The following KBTBD12 variants were observed in gnomAD, a reference collection of about 807,000 sequenced individuals.
The protein encoded by KBTBD12 is kelch repeat and BTB domain containing 12.
A neutral mutation model predicts 58.7 loss-of-function variants in KBTBD12; 53 were observed. That is an observed-to-expected ratio of 0.90 (90% confidence interval 0.72 to 1.14). The LOEUF (loss-of-function observed/expected upper bound fraction) is 1.14. KBTBD12 is among the 50% of genes most tolerant of loss of function. The pLI is 0.00. For missense variants in KBTBD12, 704 were observed against 751.3 expected (o/e 0.94, Z 0.74); for synonymous variants, 236 against 259.8 (o/e 0.91, Z 0.88).
At chr3:127,969,150 T>C (rs1050044452) in intron 5 of KBTBD12, among the ~76,000 whole-genome samples, 6 of 152,310 alleles carry the variant, frequency 3.9e-5, no homozygotes, top group Admixed American at 2.0e-4. Context: ...ACTAATTGCA[T>C]ATGACATAAT....
chr3:127,927,686 A>G (rs1053515175), intron 2 of KBTBD12, 78 bp from the exon 3 acceptor site: 1 of 1,096,176 alleles, frequency 9.1e-7, no homozygotes, highest in African/African-American at 1.6e-5. Context: ...TTTTGGTCAG[A>G]AAATAAATAA....
intron 4 of KBTBD12, among the ~76,000 whole-genome samples, chr3:127,945,072 T>C (rs1172016546): frequency 2.0e-5 from 3 of 151,014 alleles, no homozygotes; most frequent in African/African-American, 7.3e-5. Context: ...TTTGCTGTTG[T>C]TGTTGTTTGT....
Position 127,963,265 on chromosome 3 carries a change from TG to T in KBTBD12, c.1573del (p.Asp525ThrfsTer62). Reference protein sequence around the residue: ...LDVVEIYNPDGDFWREGPPMP... With the variant: ...LDVVEIYNPDXDFWREGPPMP... ...ACGTGGTGGAGATCTACAACCCAGA[TG>T]GGGACTTTTGGCGAGAGGGCCCTCC... On this transcript the variant is annotated frameshift_variant, in exon 5 of 6. Transcript: ENST00000405109. LOFTEE classifies it high-confidence loss of function. 6.2e-7 allele frequency: 1 copy of T among 1,612,534 alleles called. No individual in the cohort carries two copies. The highest frequency in any genetic ancestry group is 8.5e-7 in the Non-Finnish European group (1 of 1,179,368).
At chr3:127,977,032 C>T (rs1218078412) in intron 5 of KBTBD12, among the ~76,000 whole-genome samples, 1 of 152,094 alleles carries the variant, frequency 6.6e-6, no homozygotes, top group Non-Finnish European at 1.5e-5. Context: ...TCTGTTGTTC[C>T]CTTCTTTGTG....
intron 5 of KBTBD12, among the ~76,000 whole-genome samples, chr3:127,971,178 G>C (rs1940676423): frequency 6.6e-6 from 1 of 152,122 alleles, no homozygotes; most frequent in South Asian, 2.1e-4. Context: ...ACACCTAGTG[G>C]CAGGAAACTA....
At chr3:127,979,084 G>T (rs574281899) in intron 5 of KBTBD12, among the ~76,000 whole-genome samples, 5 of 152,246 alleles carry the variant, frequency 3.3e-5, no homozygotes, top group African/African-American at 1.2e-4. Context: ...CTACCTAACT[G>T]GGTCAGTTTT....
intron 5 of KBTBD12, among the ~76,000 whole-genome samples, chr3:127,983,307 T>G (rs910427264): frequency 1.3e-5 from 2 of 152,158 alleles, no homozygotes; most frequent in Non-Finnish European, 2.9e-5. Context: ...GAAACTCATG[T>G]TGAAATTTGG....
chr3:127,915,420 T>TC lies in KBTBD12; in HGVS notation c.-277dup, dbSNP rs1396595437. On this transcript the variant is annotated 5_prime_UTR_variant, in exon 1 of 6. Transcript: ENST00000405109. ...TCGGAGGCGCTGCCAGCGCCCTCCCTCCTCCTCCGCAGGGCGCGGGACCTC... is the reference window on the plus strand; with the variant it reads ...TCGGAGGCGCTGCCAGCGCCCTCCCTCCCTCCTCCGCAGGGCGCGGGACCTC... 2 of 152,628 alleles carry TC rather than the reference T, an allele frequency of 1.3e-5. No individual in the cohort carries two copies. The highest frequency in any genetic ancestry group is 4.8e-5 in the African/African-American group (2 of 41,460). 9.5% of individuals were successfully genotyped at this position (152,628 alleles called of 1,614,324 possible).
At chr3:127,978,825 G>A (rs1559776746) in intron 5 of KBTBD12, among the ~76,000 whole-genome samples, 2 of 152,228 alleles carry the variant, frequency 1.3e-5, no homozygotes. Context: ...GTGTGCATCA[G>A]AGCAAAGAAT....
rs141364181 is a variant in KBTBD12 at position 127,915,838 on chromosome 3, A to G, written c.-113+252A>G. On this transcript the variant is annotated intron_variant, in intron 1 of 5. Transcript: ENST00000405109. ...TGTTCAGGCTCGTAGTCTGCATAGTATTATCATCCTCCGAATTACCTGACC... is the reference window on the plus strand; with the variant it reads ...TGTTCAGGCTCGTAGTCTGCATAGTGTTATCATCCTCCGAATTACCTGACC... 7.9e-5 allele frequency among the ~76,000 whole-genome samples: 12 copies of G among 152,254 alleles called. No homozygotes were observed. The East Asian group carries it at 2.3e-3, about 29-fold the overall frequency.
At chr3:127,980,322 A>T (rs1940851190) in intron 5 of KBTBD12, among the ~76,000 whole-genome samples, 1 of 152,020 alleles carries the variant, frequency 6.6e-6, no homozygotes, top group Non-Finnish European at 1.5e-5. Context: ...TATTTTATTT[A>T]TTTATTTTTT....
At chr3:127,917,504 G>A (rs1939278619) in intron 1 of KBTBD12, among the ~76,000 whole-genome samples, 1 of 152,172 alleles carries the variant, frequency 6.6e-6, no homozygotes, top group African/African-American at 2.4e-5. Flanking sequence ...ATGCTTGATT[G>A]GTGATCAACT....
At chr3:127,944,614 T>G (rs1940029840) in intron 4 of KBTBD12, among the ~76,000 whole-genome samples, 1 of 152,242 alleles carries the variant, frequency 6.6e-6, no homozygotes, top group African/African-American at 2.4e-5. Flanking sequence ...TCATGTCATC[T>G]GCAAACAGAT....
At chr3:127,958,638 C>T (rs1475379185) in intron 4 of KBTBD12, among the ~76,000 whole-genome samples, 2 of 152,162 alleles carry the variant, frequency 1.3e-5, no homozygotes, top group East Asian at 1.9e-4. Context: ...TATGTCCACT[C>T]GGAAGTTATC....
intron 4 of KBTBD12, among the ~76,000 whole-genome samples, chr3:127,939,691 G>A (rs1939910473): frequency 6.6e-6 from 1 of 151,690 alleles, no homozygotes; most frequent in African/African-American, 2.4e-5. Flanking sequence ...CAGACAAAGT[G>A]AAAAAAATAC....
chr3:127,954,711 G>A (rs978941392), intron 4 of KBTBD12, among the ~76,000 whole-genome samples: 3 of 152,252 alleles, frequency 2.0e-5, no homozygotes, highest in Admixed American at 2.0e-4. Flanking sequence ...CCTTTCACAC[G>A]TGGCCCCAGC....
intron 5 of KBTBD12, among the ~76,000 whole-genome samples, chr3:127,973,407 G>T (rs796157493): frequency 1.3e-5 from 2 of 152,256 alleles, no homozygotes; most frequent in African/African-American, 4.8e-5. Flanking sequence ...AATGTGTGAA[G>T]GTTGGTTGGA....
chr3:127,975,086 T>C (rs2107616018), intron 5 of KBTBD12, among the ~76,000 whole-genome samples: 1 of 152,286 alleles, frequency 6.6e-6, no homozygotes, highest in South Asian at 2.1e-4. Context: ...TCCAGGAGGC[T>C]ACTAAGAGGG....
intron 4 of KBTBD12, among the ~76,000 whole-genome samples, chr3:127,958,003 TGAG>T (rs945380199): frequency 2.6e-5 from 4 of 151,956 alleles, no homozygotes; most frequent in African/African-American, 4.8e-5. Flanking sequence ...TTTGCCAAGT[TGAG>T]GAGGAGAAGA....
Sources: gnomAD v4.1 joint callset for allele counts (sites outside exome capture counted in the v4.1 genomes callset) on GRCh38, gnomAD v4.1.1 for gene constraint, MANE v1.5 for transcripts, NCBI Gene and HGNC (gene_info 2026-07-23, HGNC 2026-07-21) for gene names.